CNTNAP2: variants seen among roughly 807,000 people sequenced by gnomAD.
CNTNAP2 encodes contactin associated protein 2.
A neutral mutation model predicts 155.2 loss-of-function variants in CNTNAP2; 98 were observed. The observed-to-expected ratio is 0.63, with a 90% confidence interval of 0.54 to 0.75. CNTNAP2 has a LOEUF of 0.75. CNTNAP2 is among the 30% of genes least tolerant of loss of function. The pLI, the probability that CNTNAP2 is intolerant of heterozygous loss-of-function variation, is 0.00. For synonymous variants in CNTNAP2, 651 were observed against 631.2 expected (o/e 1.03, Z -0.47); for missense variants, 1,727 against 1,688.1 (o/e 1.02, Z -0.40).
At chr7:146,194,134 G>A (rs894055434) in intron 1 of CNTNAP2, among the ~76,000 whole-genome samples, 2 of 152,142 alleles carry the variant, frequency 1.3e-5, no homozygotes, top group African/African-American at 2.4e-5. Flanking sequence ...CTTCTTCTGA[G>A]CTCTCCAAAC....
At chr7:146,523,208 T>C (rs558830011) in intron 1 of CNTNAP2, among the ~76,000 whole-genome samples, 1 of 152,166 alleles carries the variant, frequency 6.6e-6, no homozygotes, top group East Asian at 1.9e-4. Context: ...TTTGTCCTCA[T>C]AGCTTAGATA....
chr7:148,096,735 G>C (rs1220166365), intron 15 of CNTNAP2, among the ~76,000 whole-genome samples: 1 of 152,038 alleles, frequency 6.6e-6, no homozygotes, highest in Non-Finnish European at 1.5e-5. Flanking sequence ...ACAAGAGCCT[G>C]GTCTATGAAG....
At chr7:147,410,271 A>G (rs1029805837) in intron 10 of CNTNAP2, among the ~76,000 whole-genome samples, 3 of 152,220 alleles carry the variant, frequency 2.0e-5, no homozygotes, top group African/African-American at 7.2e-5. Flanking sequence ...CATTATCCTT[A>G]GCAAACTAAC....
chr7:147,492,275 CT>C (rs1563225914), intron 11 of CNTNAP2, among the ~76,000 whole-genome samples: 1 of 152,166 alleles, frequency 6.6e-6, no homozygotes, highest in African/African-American at 2.4e-5. Context: ...GAATCTATTG[CT>C]GCCGCTGATC....
intron 13 of CNTNAP2, among the ~76,000 whole-genome samples, chr7:147,780,152 G>T (rs1797642458): frequency 6.6e-6 from 1 of 152,172 alleles, no homozygotes; most frequent in South Asian, 2.1e-4. Flanking sequence ...TCTTACGACT[G>T]CTCTGAATGA....
intron 19 of CNTNAP2, among the ~76,000 whole-genome samples, chr7:148,222,916 G>A: frequency 6.6e-6 from 1 of 152,148 alleles, no homozygotes; most frequent in East Asian, 1.9e-4. Context: ...CAATCAGTTG[G>A]CAGCTCCATG....
At chr7:146,593,900 G>A (rs977719578) in intron 1 of CNTNAP2, among the ~76,000 whole-genome samples, 16 of 152,124 alleles carry the variant, frequency 1.1e-4, no homozygotes, top group African/African-American at 3.6e-4. Context: ...ATTTTAGCAA[G>A]ACTCTTGCAG....
At chr7:147,500,026 CA>C (rs1293473590) in intron 11 of CNTNAP2, among the ~76,000 whole-genome samples, 4 of 151,286 alleles carry the variant, frequency 2.6e-5, no homozygotes, top group African/African-American at 9.7e-5. Flanking sequence ...TACTTAAGGT[CA>C]AAAAGTATTT....
intron 19 of CNTNAP2, among the ~76,000 whole-genome samples, chr7:148,220,137 C>G (rs1466334627): frequency 6.6e-6 from 1 of 152,254 alleles, no homozygotes; most frequent in Non-Finnish European, 1.5e-5. Context: ...GAGTCTCGCT[C>G]TGTCGCCCAG....
chr7:146,158,591 C>G (rs535158460), intron 1 of CNTNAP2, among the ~76,000 whole-genome samples: 1 of 152,014 alleles, frequency 6.6e-6, no homozygotes, highest in Non-Finnish European at 1.5e-5. Flanking sequence ...AACTATGTGA[C>G]GCATGTGCAA....
chr7:147,752,031 T>C (rs969435396), intron 13 of CNTNAP2, among the ~76,000 whole-genome samples: 3 of 152,220 alleles, frequency 2.0e-5, no homozygotes, highest in African/African-American at 7.2e-5. Flanking sequence ...TCCTGACATA[T>C]TGAGCTATTG....
chr7:147,553,498 C>A (rs1006604755), intron 11 of CNTNAP2, among the ~76,000 whole-genome samples: 1 of 152,114 alleles, frequency 6.6e-6, no homozygotes, highest in African/African-American at 2.4e-5. Flanking sequence ...TTTCTAAAGT[C>A]TCTGAGTACT....
chr7:147,934,419 C>T (rs1032397908), intron 14 of CNTNAP2, among the ~76,000 whole-genome samples: 1 of 152,134 alleles, frequency 6.6e-6, no homozygotes, highest in Non-Finnish European at 1.5e-5. Context: ...TTAATACCAT[C>T]AAATCTCATT....
At chr7:146,531,915 C>A (rs1423245019) in intron 1 of CNTNAP2, among the ~76,000 whole-genome samples, 1 of 151,922 alleles carries the variant, frequency 6.6e-6, no homozygotes, top group Non-Finnish European at 1.5e-5. Flanking sequence ...GCAGAAAGAG[C>A]ACTATTTAGT....
intron 1 of CNTNAP2, among the ~76,000 whole-genome samples, chr7:146,580,588 G>C (rs990349317): frequency 3.9e-5 from 6 of 151,960 alleles, no homozygotes; most frequent in Non-Finnish European, 8.8e-5. Flanking sequence ...ACTATTTTCT[G>C]CCTATTTCAT....
At chr7:147,125,629 C>A (rs1031134225) in intron 6 of CNTNAP2, among the ~76,000 whole-genome samples, 1 of 152,172 alleles carries the variant, frequency 6.6e-6, no homozygotes, top group East Asian at 1.9e-4. Flanking sequence ...GAATGACTCT[C>A]TTGACCATTG....
At chr7:147,468,271 C>T (rs1331150886) in intron 10 of CNTNAP2, among the ~76,000 whole-genome samples, 1 of 152,034 alleles carries the variant, frequency 6.6e-6, no homozygotes, top group Non-Finnish European at 1.5e-5. Flanking sequence ...CTGAGAAAGA[C>T]CCTGTCTCAA....
chr7:147,896,593 A>G (rs1165782506), intron 13 of CNTNAP2, among the ~76,000 whole-genome samples: 1 of 152,118 alleles, frequency 6.6e-6, no homozygotes, highest in Non-Finnish European at 1.5e-5. Context: ...CTTCTTGCAC[A>G]GTCAGTTCCT....
chr7:147,423,323 T>C (rs1467017434), intron 10 of CNTNAP2, among the ~76,000 whole-genome samples: 2 of 152,184 alleles, frequency 1.3e-5, no homozygotes, highest in Admixed American at 1.3e-4. Context: ...GTTTCAAGGA[T>C]CATGGAATCG....
Sources: gnomAD v4.1 joint callset for allele counts (sites outside exome capture counted in the v4.1 genomes callset) on GRCh38, gnomAD v4.1.1 for gene constraint, MANE v1.5 for transcripts, NCBI Gene and HGNC (gene_info 2026-07-23, HGNC 2026-07-21) for gene names.